The following STIM2 variants were observed in gnomAD, a reference collection of about 807,000 sequenced individuals.
STIM2 encodes the protein stromal interaction molecule 2.
STIM2 carries 31 observed loss-of-function variants against 85.8 expected under a neutral mutation model. That is an observed-to-expected ratio of 0.36 (90% CI 0.27 to 0.49). The LOEUF is 0.49. Among genes scored for constraint, STIM2 ranks in the 20% least tolerant of loss-of-function variants. STIM2 has a pLI of 0.98. For missense variants in STIM2, 841 were observed against 927.6 expected (o/e 0.91, Z 1.21); for synonymous variants, 356 against 331.1 (o/e 1.08, Z -0.82).
At chr4:27,009,096 G>A (rs1255046416) in intron 10 of STIM2, 94 bp downstream of exon 10, 3 of 1,102,040 alleles carry the variant, frequency 2.7e-6, no homozygotes, top group Non-Finnish European at 3.9e-6. Context: ...AAATCTGTGA[G>A]AAAAAATTGG....
At chr4:27,009,397 C>T (rs1728487066) in intron 10 of STIM2, among the ~76,000 whole-genome samples, 1 of 152,106 alleles carries the variant, frequency 6.6e-6, no homozygotes. Context: ...AGATAGCACA[C>T]TATAAATGCC....
chr4:27,019,327 A>G (rs1228248914), intron 11 of STIM2: 2 of 769,894 alleles, frequency 2.6e-6, no homozygotes, highest in Non-Finnish European at 1.9e-6. Flanking sequence ...TTATATCTTC[A>G]TTGCAGTTGG....
intron 2 of STIM2, among the ~76,000 whole-genome samples, chr4:26,955,203 C>T (rs1246346087): frequency 6.8e-6 from 1 of 147,440 alleles, no homozygotes; most frequent in Non-Finnish European, 1.5e-5. Flanking sequence ...TCCATAAGCT[C>T]ATTCTGGCTT....
intron 11 of STIM2, chr4:27,019,694 T>A (rs1728851471): frequency 2.8e-6 from 1 of 361,546 alleles, no homozygotes; most frequent in South Asian, 2.2e-5. Context: ...TTTTTTTTTT[T>A]ATGAGACGGA....
At chr4:26,940,712 T>G (rs1278641064) in intron 2 of STIM2, among the ~76,000 whole-genome samples, 1 of 152,186 alleles carries the variant, frequency 6.6e-6, no homozygotes, top group Non-Finnish European at 1.5e-5. Flanking sequence ...AAATCCATTT[T>G]GACAATTATT....
intron 1 of STIM2, among the ~76,000 whole-genome samples, chr4:26,867,384 A>G (rs1277778422): frequency 6.6e-6 from 1 of 152,216 alleles, no homozygotes; most frequent in Admixed American, 6.5e-5. Flanking sequence ...ATGATTTACA[A>G]AGTTGTCGAC....
At chr4:26,991,926 C>T (rs73813260) in intron 3 of STIM2, among the ~76,000 whole-genome samples, 2 of 152,190 alleles carry the variant, frequency 1.3e-5, no homozygotes, top group African/African-American at 4.8e-5. Flanking sequence ...GCTGGCATTT[C>T]TGTAGCTCTG....
intron 3 of STIM2, among the ~76,000 whole-genome samples, chr4:26,986,363 A>G (rs1727586042): frequency 6.6e-6 from 1 of 152,202 alleles, no homozygotes; most frequent in African/African-American, 2.4e-5. Context: ...TTCACAGATC[A>G]TCTTTAAGAT....
At chr4:26,862,206 T>C (rs942761496) in intron 1 of STIM2, among the ~76,000 whole-genome samples, 3 of 152,206 alleles carry the variant, frequency 2.0e-5, no homozygotes, top group African/African-American at 7.2e-5. Flanking sequence ...TTGTATCCTT[T>C]TTAAAGCCTT....
At chr4:26,950,870 G>A (rs1726024357) in intron 2 of STIM2, among the ~76,000 whole-genome samples, 1 of 151,894 alleles carries the variant, frequency 6.6e-6, no homozygotes, top group African/African-American at 2.4e-5. Flanking sequence ...TTAAGAGAGA[G>A]TATGAAAATG....
At chr4:26,983,655 A>G (rs1263962545) in intron 3 of STIM2, among the ~76,000 whole-genome samples, 7 of 152,184 alleles carry the variant, frequency 4.6e-5, no homozygotes, top group Non-Finnish European at 8.8e-5. Flanking sequence ...TCTTACCTGG[A>G]AGTTGTTTGG....
At chr4:26,865,759 T>C (rs1722382945) in intron 1 of STIM2, among the ~76,000 whole-genome samples, 1 of 152,098 alleles carries the variant, frequency 6.6e-6, no homozygotes, top group Non-Finnish European at 1.5e-5. Flanking sequence ...TCTGAATTGA[T>C]CAGATTTTAT....
intron 10 of STIM2, among the ~76,000 whole-genome samples, chr4:27,017,031 A>G (rs566004062): frequency 5.1e-4 from 77 of 152,308 alleles, no homozygotes; most frequent in South Asian, 1.0e-3. Flanking sequence ...GGTTGTTATT[A>G]GGTGAGTTAT....
intron 11 of STIM2, 114 bp from the exon 12 acceptor site, chr4:27,022,405 T>C (rs1234291025): frequency 1.3e-4 from 110 of 835,590 alleles, no homozygotes; most frequent in Non-Finnish European, 1.1e-5. Flanking sequence ...AATCATATCA[T>C]TTCCCTCTTT....
chr4:26,911,651 C>T (rs956988581), intron 1 of STIM2, among the ~76,000 whole-genome samples: 6 of 152,198 alleles, frequency 3.9e-5, no homozygotes, highest in African/African-American at 1.4e-4. Flanking sequence ...TATAGCATTC[C>T]TGGTATAGCA....
At chr4:26,995,554 C>A in intron 4 of STIM2, 64 bp downstream of exon 4, 2 of 993,980 alleles carry the variant, frequency 2.0e-6, no homozygotes, top group Non-Finnish European at 1.5e-6. Context: ...ATGTCATTTC[C>A]CCATACTGAA....
intron 1 of STIM2, among the ~76,000 whole-genome samples, chr4:26,915,195 C>G (rs1245837001): frequency 6.6e-6 from 1 of 151,916 alleles, no homozygotes; most frequent in Non-Finnish European, 1.5e-5. Context: ...GTATTGGTTT[C>G]TAGAATGTAG....
intron 2 of STIM2, among the ~76,000 whole-genome samples, chr4:26,937,185 A>G (rs1393497860): frequency 6.6e-6 from 1 of 152,122 alleles, no homozygotes; most frequent in African/African-American, 2.4e-5. Context: ...TAGTCAGACC[A>G]TATGGTAATT....
In STIM2 at chr4:26,896,309, A is replaced by G. The variant is rs187217873; in HGVS notation, c.152-23195A>G. Among the ~76,000 whole-genome samples the G allele has an allele frequency of 4.7e-3, 713 of 152,350 alleles. 4 individuals carry two copies. The highest frequency in any genetic ancestry group is 7.5e-3 in the Non-Finnish European group (512 of 68,024). ...TAAATTTCCTTTTGAAGTGAAGTCA[A>G]TTGATTAGGGCTCTGAATTACATTT... On this transcript the variant is annotated intron_variant, in intron 1 of 11. Transcript: ENST00000467087.
Sources: allele counts gnomAD v4.1 joint callset (sites outside exome capture counted in the v4.1 genomes callset), GRCh38; gene constraint gnomAD v4.1.1; transcripts MANE v1.5; gene names NCBI Gene and HGNC (gene_info 2026-07-23, HGNC 2026-07-21).